The following PDE3A variants were observed in gnomAD, a reference collection of about 807,000 sequenced individuals.
The protein encoded by PDE3A is phosphodiesterase 3A.
In PDE3A, 43 loss-of-function variants were observed where a neutral mutation model predicts 98.3. The observed-to-expected ratio is 0.44, with a 90% confidence interval of 0.34 to 0.56. PDE3A has a LOEUF of 0.56. Among genes scored for constraint, PDE3A ranks in the 20% least tolerant of loss-of-function variants. The pLI, the probability that PDE3A is intolerant of heterozygous loss-of-function variation, is 0.01. For synonymous variants in PDE3A, 663 were observed against 567.9 expected (o/e 1.17, Z -2.38); for missense variants, 1,427 against 1,440.7 (o/e 0.99, Z 0.15).
rs754454975 is a variant in PDE3A at position 20,369,874 on chromosome 12, G to T, written c.590G>T (p.Cys197Phe). The change falls in exon 1 of 16, where the codon TGC (cysteine) becomes TTC (phenylalanine). Residue 197 changes from cysteine (C) to phenylalanine (F), a missense_variant. Physicochemically the swap from Cys to Phe is radical, Grantham distance 205. Coordinates refer to ENST00000359062, the MANE Select transcript of PDE3A (RefSeq NM_000921.5). ...CCCGCCGCGGGGGTGGTGCTCAGCT[G>T]CTTGGCCGCCGCGACATGGCTGGTG... ...SLPAAGVVLS[C>F]LAAATWLVLR... 6.2e-7 allele frequency: 1 copy of T among 1,612,986 alleles called. No individual in the cohort carries two copies. The highest frequency in any genetic ancestry group is 1.1e-5 in the South Asian group (1 of 91,056).
intron 2 of PDE3A, among the ~76,000 whole-genome samples, chr12:20,604,185 A>T (rs1387546935): frequency 6.6e-6 from 1 of 151,654 alleles, no homozygotes; most frequent in African/African-American, 2.4e-5. Flanking sequence ...GAAGAAAATA[A>T]AAAAGGAAAG....
intron 1 of PDE3A, among the ~76,000 whole-genome samples, chr12:20,544,301 T>C (rs1196569070): frequency 6.6e-6 from 1 of 151,556 alleles, no homozygotes; most frequent in Non-Finnish European, 1.5e-5. Flanking sequence ...GATGTGCTAA[T>C]AGAGAATTTG....
At chr12:20,391,525 T>G (rs534773141) in intron 1 of PDE3A, among the ~76,000 whole-genome samples, 1 of 151,550 alleles carries the variant, frequency 6.6e-6, no homozygotes, top group South Asian at 2.1e-4. Flanking sequence ...TGTACAATCT[T>G]CAATGCTTTC....
chr12:20,650,217 CCATT>C (rs1168164699), intron 13 of PDE3A, among the ~76,000 whole-genome samples: 1 of 150,544 alleles, frequency 6.6e-6, no homozygotes, highest in Admixed American at 6.6e-5. Flanking sequence ...ACCCTGTCAC[CCATT>C]ATTATAATTT....
intron 1 of PDE3A, among the ~76,000 whole-genome samples, chr12:20,456,546 T>C (rs760139708): frequency 6.6e-6 from 1 of 152,120 alleles, no homozygotes; most frequent in Non-Finnish European, 1.5e-5. Flanking sequence ...AACCAACTTA[T>C]AATAACAGAC....
At chr12:20,626,987 T>C (rs907991774) in intron 5 of PDE3A, among the ~76,000 whole-genome samples, 1 of 152,102 alleles carries the variant, frequency 6.6e-6, no homozygotes, top group African/African-American at 2.4e-5. Context: ...TTAAAATGTG[T>C]GTTTGAGAGT....
At chr12:20,458,824 A>T (rs11045262) in intron 1 of PDE3A, among the ~76,000 whole-genome samples, 30,019 of 152,006 alleles carry the variant, frequency 0.2, 3,144 homozygotes, top group Admixed American at 0.29. Context: ...TTTTGCATGG[A>T]TACAGCCTTT....
At chr12:20,640,862 A>G (rs1323629859) in intron 10 of PDE3A, among the ~76,000 whole-genome samples, 3 of 140,336 alleles carry the variant, frequency 2.1e-5, no homozygotes, top group Non-Finnish European at 3.3e-5. Context: ...ATCAAACATA[A>G]TATATTGATC....
chr12:20,405,681 C>A (rs1944219747), intron 1 of PDE3A, among the ~76,000 whole-genome samples: 1 of 152,028 alleles, frequency 6.6e-6, no homozygotes, highest in South Asian at 2.1e-4. Context: ...AAATAATGAC[C>A]ACAATCAAAC....
At chr12:20,537,820 T>C (rs1358348877) in intron 1 of PDE3A, among the ~76,000 whole-genome samples, 2 of 150,388 alleles carry the variant, frequency 1.3e-5, no homozygotes, top group African/African-American at 4.9e-5. Flanking sequence ...TAGTTTTACC[T>C]GGCTTGTAGG....
chr12:20,671,338 A>C (rs575355739), intron 15 of PDE3A, among the ~76,000 whole-genome samples: 6,578 of 151,742 alleles, frequency 0.043, 248 homozygotes, highest in African/African-American at 0.096. Flanking sequence ...AATCCTCCCT[A>C]ACTCATTTTA....
At chr12:20,549,051 T>C (rs1011758261) in intron 1 of PDE3A, among the ~76,000 whole-genome samples, 3 of 152,112 alleles carry the variant, frequency 2.0e-5, no homozygotes, top group Admixed American at 6.6e-5. Context: ...TTCTGTTTAA[T>C]AGGAGTACTT....
chr12:20,501,974 T>C (rs1191972192), intron 1 of PDE3A, among the ~76,000 whole-genome samples: 1 of 152,194 alleles, frequency 6.6e-6, no homozygotes, highest in Non-Finnish European at 1.5e-5. Context: ...CTTTCCAATT[T>C]GTATGAATGA....
chr12:20,506,126 GTGTA>G (rs1249135924), intron 1 of PDE3A, among the ~76,000 whole-genome samples: 1 of 148,576 alleles, frequency 6.7e-6, no homozygotes, highest in African/African-American at 2.5e-5. Flanking sequence ...GTGTGTGTGT[GTGTA>G]TGTGTGTGTA....
At chr12:20,558,944 T>C (rs1942441863) in intron 2 of PDE3A, among the ~76,000 whole-genome samples, 1 of 152,076 alleles carries the variant, frequency 6.6e-6, no homozygotes, top group Non-Finnish European at 1.5e-5. Flanking sequence ...CTGTGGTGGG[T>C]CTAACTGAAG....
intron 2 of PDE3A, among the ~76,000 whole-genome samples, chr12:20,574,784 T>A (rs1198996472): frequency 6.6e-6 from 1 of 152,024 alleles, no homozygotes. Flanking sequence ...TCACTGTCCC[T>A]AATATAGCAA....
At chr12:20,498,545 T>A (rs1167255783) in intron 1 of PDE3A, among the ~76,000 whole-genome samples, 1 of 152,190 alleles carries the variant, frequency 6.6e-6, no homozygotes, top group African/African-American at 2.4e-5. Flanking sequence ...GCATAGGTTA[T>A]ATGCAAATAC....
At chr12:20,556,931 G>A in intron 2 of PDE3A, 1 of 586,056 alleles carries the variant, frequency 1.7e-6, no homozygotes. Context: ...TCCCAGATTG[G>A]TTGTGTTTAT....
chr12:20,642,442 C>T (rs1393210128), intron 10 of PDE3A, among the ~76,000 whole-genome samples: 1 of 152,100 alleles, frequency 6.6e-6, no homozygotes, highest in Non-Finnish European at 1.5e-5. Flanking sequence ...GGTGAATACC[C>T]AATTGCATAA....
Sources: allele counts gnomAD v4.1 joint callset (sites outside exome capture counted in the v4.1 genomes callset), GRCh38; gene constraint gnomAD v4.1.1; transcripts MANE v1.5; gene names NCBI Gene and HGNC (gene_info 2026-07-23, HGNC 2026-07-21).